SLC27A2: variants seen among roughly 807,000 people sequenced by gnomAD.
SLC27A2 encodes solute carrier family 27 member 2.
SLC27A2 carries 54 observed loss-of-function variants against 60.0 expected under a neutral mutation model. The observed-to-expected ratio is 0.90, with a 90% CI of 0.72 to 1.13. The LOEUF is 1.13. Ranked by LOEUF, SLC27A2 falls within the 50% of genes most tolerant of loss-of-function variation. The pLI is 0.00. For missense variants in SLC27A2, 739 were observed against 777.6 expected (o/e 0.95, Z 0.59); for synonymous variants, 297 against 297.6 (o/e 1.00, Z 0.02).
chr15:50,199,027 TATC>T (rs1226693729), intron 2 of SLC27A2, among the ~76,000 whole-genome samples: 1 of 65,266 alleles, frequency 1.5e-5, no homozygotes, highest in Non-Finnish European at 3.7e-5. Context: ...ACATAATGTC[TATC>T]TTTTTTTTTT....
Position 50,182,348 on chromosome 15 carries a change from C to A in SLC27A2, c.-80C>A, listed in dbSNP as rs1344199273. 2 of 1,381,294 alleles carry A rather than the reference C, an allele frequency of 1.4e-6. No individual in the cohort carries two copies. The highest frequency in any genetic ancestry group is 3.0e-5 in the East Asian group (1 of 33,628). 85.6% of individuals were successfully genotyped at this position (1,381,294 alleles called of 1,614,324 possible). ...GCCCCGGCGCAGCCCGCCAGTCCGC[C>A]CGGAGCCCGCCCAGTCGCCGCGCTG... On this transcript the variant is annotated 5_prime_UTR_variant, in exon 1 of 10. Coordinates refer to ENST00000267842, the MANE Select transcript of SLC27A2 (RefSeq NM_003645.4).
chr15:50,213,691 T>C lies in SLC27A2; in HGVS notation c.972+8328T>C, dbSNP rs1252369477. ...ACCATGCAAATACAGGGAAATTAAA[T>C]AACCTGCTCCTGAATGAGCATTGGG... On this transcript the variant is annotated intron_variant, in intron 4 of 9. Transcript: ENST00000267842. Among the ~76,000 whole-genome samples the C allele has an allele frequency of 2.6e-5, 4 of 152,200 alleles. No homozygotes were observed. In the South Asian group the frequency reaches 6.2e-4, roughly 24 times the overall value.
intron 1 of SLC27A2, among the ~76,000 whole-genome samples, chr15:50,186,516 C>T (rs1197105390): frequency 1.3e-5 from 2 of 152,206 alleles, no homozygotes; most frequent in Non-Finnish European, 2.9e-5. Flanking sequence ...CGACTCACGG[C>T]AACCTCCGCC....
At chr15:50,203,513 A>G (rs775443655) in intron 3 of SLC27A2, among the ~76,000 whole-genome samples, 1 of 152,080 alleles carries the variant, frequency 6.6e-6, no homozygotes, top group Non-Finnish European at 1.5e-5. Flanking sequence ...TCAATAGCCA[A>G]CTCTTCCAGG....
intron 9 of SLC27A2, among the ~76,000 whole-genome samples, chr15:50,235,088 C>G (rs1000278760): frequency 6.6e-6 from 1 of 152,102 alleles, no homozygotes; most frequent in Non-Finnish European, 1.5e-5. Flanking sequence ...TGGTTTAATA[C>G]TCTCACTTTT....
chr15:50,198,316 G>C (rs1595682895), intron 2 of SLC27A2: 4 of 151,870 alleles, frequency 2.6e-5, no homozygotes, highest in African/African-American at 4.8e-5. Flanking sequence ...GAACACTGCT[G>C]TATGGAAGAA....
Position 50,182,510 on chromosome 15 carries a change from A to G in SLC27A2, c.83A>G (p.Gln28Arg), listed in dbSNP as rs1567423323. 6.2e-7 allele frequency: 1 copy of G among 1,612,250 alleles called. No homozygotes were observed. Among genetic ancestry groups the G allele is most frequent in the Non-Finnish European group, 8.5e-7 (1 of 1,179,258 alleles). Residue 28 changes from glutamine (Q) to arginine (R), a missense_variant, in exon 1 of 10, where the codon CAG becomes CGG. Transcript: ENST00000267842. ...LVNLCCPYFFQDIGYFLKVAA... is the reference protein window; with the variant it reads ...LVNLCCPYFFRDIGYFLKVAA... ...AACCTCTGCTGCCCATACTTCTTCC[A>G]GGACATAGGCTACTTCTTGAAGGTG...
rs374919158 is a variant in SLC27A2 at position 50,197,562 on chromosome 15, T to C, written c.541T>C (p.Tyr181His). Residue 181 changes from tyrosine (Y) to histidine (H), a missense_variant, in exon 2 of 10, where the codon TAT becomes CAT. Transcript: ENST00000267842. ...SLKKDDVSIY[Y>H]VSRTSNTDGI... The stretch of plus-strand genomic sequence containing the variant: ...TAAAAAAGATGATGTGTCCATCTAT[T>C]ATGTGAGCAGAACTTCTAACACAGA... 3.0e-5 allele frequency: 49 copies of C among 1,613,956 alleles called. No individual in the cohort carries two copies. Among genetic ancestry groups the C allele is most frequent in the Non-Finnish European group, 3.8e-5 (45 of 1,179,948 alleles).
rs751114031 is a variant in SLC27A2, at chr15:50,202,604, G to GTGC, written c.810_812dup (p.Ala271dup). On this transcript the variant is annotated inframe_insertion, in exon 3 of 10. Transcript: ENST00000267842. ...TATATCACTCTGCCCTTTTACCACAGTGCTGCACTACTGATTGGCATTCAC... is the reference window on the plus strand; with the variant it reads ...TATATCACTCTGCCCTTTTACCACAGTGCTGCTGCACTACTGATTGGCATTCAC... 6.2e-7 allele frequency: 1 copy of GTGC among 1,614,190 alleles called. No individual in the cohort carries two copies. The highest frequency in any genetic ancestry group is 8.5e-7 in the Non-Finnish European group (1 of 1,180,028).
At chr15:50,185,831 G>C (rs1381255948) in intron 1 of SLC27A2, among the ~76,000 whole-genome samples, 1 of 151,644 alleles carries the variant, frequency 6.6e-6, no homozygotes, top group African/African-American at 2.4e-5. Flanking sequence ...GGGTTTCACC[G>C]TGTTAGCCAG....
chr15:50,213,623 C>G (rs1164830272), intron 4 of SLC27A2, among the ~76,000 whole-genome samples: 1 of 152,088 alleles, frequency 6.6e-6, no homozygotes. Context: ...TCTCAGACCA[C>G]AGTGGAATAA....
In SLC27A2 at chr15:50,182,788, T is replaced by C. The variant is rs923178758; in HGVS notation, c.361T>C (p.Trp121Arg). Residue 121 changes from tryptophan to arginine, a missense_variant, in exon 1 of 10, where the codon TGG becomes CGG. By Grantham distance (101) the Trp-to-Arg change is moderately radical. Transcript: ENST00000267842. ...TAACGAGCCGGCCTACGTGTGGCTGTGGCTGGGGCTGGTGAAGCTGGGCTG... is the reference window on the plus strand; with the variant it reads ...TAACGAGCCGGCCTACGTGTGGCTGCGGCTGGGGCTGGTGAAGCTGGGCTG... ...MGNEPAYVWL[W>R]LGLVKLGCAM... 6.2e-7 allele frequency: 1 copy of C among 1,613,846 alleles called. No individual in the cohort carries two copies. The highest frequency in any genetic ancestry group is 1.1e-5 in the South Asian group (1 of 91,088).
At chr15:50,232,635 C>G (rs527683807) in intron 8 of SLC27A2, among the ~76,000 whole-genome samples, 1 of 152,088 alleles carries the variant, frequency 6.6e-6, no homozygotes, top group South Asian at 2.1e-4. Context: ...GGTCCAGCGT[C>G]GCTACTACCA....
intron 1 of SLC27A2, among the ~76,000 whole-genome samples, chr15:50,186,237 C>T (rs1440543011): frequency 6.6e-6 from 1 of 152,014 alleles, no homozygotes. Flanking sequence ...GAGTGAGACC[C>T]TGTCTCAAAA....
chr15:50,229,396 G>A (rs138928641), intron 8 of SLC27A2, among the ~76,000 whole-genome samples: 74 of 152,330 alleles, frequency 4.9e-4, no homozygotes, highest in African/African-American at 1.7e-3. Flanking sequence ...AAAAAGAAGA[G>A]CCAGTGCAGT....
intron 4 of SLC27A2, among the ~76,000 whole-genome samples, chr15:50,211,454 C>A (rs1311330458): frequency 6.6e-6 from 1 of 152,146 alleles, no homozygotes; most frequent in East Asian, 1.9e-4. Context: ...CAAAGGAACA[C>A]CCCATGGGAC....
intron 4 of SLC27A2, among the ~76,000 whole-genome samples, chr15:50,218,782 A>G (rs531634977): frequency 1.3e-5 from 2 of 152,204 alleles, no homozygotes; most frequent in African/African-American, 2.4e-5. Flanking sequence ...AACAGAATGA[A>G]AAAAAAGCAG....
chr15:50,194,335 G>T (rs1378382857), intron 1 of SLC27A2, among the ~76,000 whole-genome samples: 1 of 152,124 alleles, frequency 6.6e-6, no homozygotes, highest in Non-Finnish European at 1.5e-5. Flanking sequence ...TGACCAGGGG[G>T]TGAGAGACCA....
chr15:50,202,448 T>C, intron 2 of SLC27A2, 39 bp from the exon 3 acceptor site: 1 of 1,608,884 alleles, frequency 6.2e-7, no homozygotes, highest in South Asian at 1.1e-5. Context: ...AAATGCCCAA[T>C]CTTGGTTAAC....
Sources: gnomAD v4.1 joint callset for allele counts (sites outside exome capture counted in the v4.1 genomes callset) on GRCh38, gnomAD v4.1.1 for gene constraint, MANE v1.5 for transcripts, NCBI Gene and HGNC (gene_info 2026-07-23, HGNC 2026-07-21) for gene names.